Variants in ITGA4 observed in about 807,000 individuals in gnomAD.
ITGA4 encodes integrin subunit alpha 4, also known as integrin alpha-4.
Under a neutral mutation model 133.6 loss-of-function variants are expected in ITGA4, and 63 were observed. That is an observed-to-expected ratio of 0.47 (90% CI 0.38 to 0.58). ITGA4 has a LOEUF of 0.58. ITGA4 is among the 20% of genes least tolerant of loss of function. ITGA4 has a pLI of 0.00. For missense variants in ITGA4, 1,076 were observed against 1,252.7 expected (o/e 0.86, Z 2.13); for synonymous variants, 483 against 438.0 (o/e 1.10, Z -1.28).
intron 2 of ITGA4, among the ~76,000 whole-genome samples, chr2:181,473,072 T>TC (rs1233245788): frequency 6.6e-6 from 1 of 152,212 alleles, no homozygotes; most frequent in African/African-American, 2.4e-5. Context: ...GTGTATGCTG[T>TC]CGAGAAAAAC....
At chr2:181,475,533 CT>C (rs1355448189) in intron 4 of ITGA4, among the ~76,000 whole-genome samples, 1 of 152,182 alleles carries the variant, frequency 6.6e-6, no homozygotes, top group Non-Finnish European at 1.5e-5. Flanking sequence ...TAACTACCCA[CT>C]TTTGCATCAA....
At chr2:181,478,030 GTAT>G (rs1339280570) in intron 4 of ITGA4, among the ~76,000 whole-genome samples, 2 of 152,084 alleles carry the variant, frequency 1.3e-5, no homozygotes, top group Non-Finnish European at 1.5e-5. Flanking sequence ...ATACAATGGA[GTAT>G]TATTCAGCCT....
rs557844485 is a variant in ITGA4 at position 181,480,068 on chromosome 2, G to A, written c.625-69G>A. On this transcript the variant is annotated intron_variant, in intron 5 of 27. Coordinates refer to ENST00000397033, the MANE Select transcript of ITGA4 (RefSeq NM_000885.6). ...ATAAAAATATGTTCTCTTCACTATC[G>A]TGTATCTGGAGGAGGTTTGGGGTGG... The A allele has an allele frequency of 1.3e-4, 137 of 1,059,220 alleles. No individual in the cohort carries two copies. The South Asian group carries it at 1.5e-3, about 12-fold the overall frequency. The allele number at this position is 1,059,220 out of a possible 1,614,324, so 65.6% of individuals were successfully genotyped here.
chr2:181,477,719 A>G (rs1245663799), intron 4 of ITGA4, among the ~76,000 whole-genome samples: 1 of 152,194 alleles, frequency 6.6e-6, no homozygotes, highest in Non-Finnish European at 1.5e-5. Flanking sequence ...AGGTGTGAAG[A>G]AAAGGGAACC....
chr2:181,504,455 C>T (rs1176959372), intron 15 of ITGA4, among the ~76,000 whole-genome samples: 1 of 151,800 alleles, frequency 6.6e-6, no homozygotes, highest in Non-Finnish European at 1.5e-5. Context: ...TATTGTTGAG[C>T]AATACATGCA....
At chr2:181,464,008 T>C (rs890202901) in intron 2 of ITGA4, among the ~76,000 whole-genome samples, 1 of 152,066 alleles carries the variant, frequency 6.6e-6, no homozygotes, top group Non-Finnish European at 1.5e-5. Context: ...GGTAAGTCTA[T>C]AGGGCACCAG....
At position 181,523,447 on chromosome 2, in the gene ITGA4, A is replaced by C. The variant is rs1686762684; in HGVS notation, c.2084A>C (p.Gln695Pro). 1 of 1,604,446 alleles carries C rather than the reference A, an allele frequency of 6.2e-7. No homozygotes were observed. Among genetic ancestry groups the C allele is most frequent in the Non-Finnish European group, 8.5e-7 (1 of 1,171,420 alleles). Reference protein sequence around the residue: ...FIKILELEEKQINCEVTDNSG... With the variant: ...FIKILELEEKPINCEVTDNSG... Reference sequence around the variant, plus strand: ...CATTTTTCCCATTAGGAAGAGAAGCAAATAAACTGTGAAGTCACAGATAAC... The same window carrying C: ...CATTTTTCCCATTAGGAAGAGAAGCCAATAAACTGTGAAGTCACAGATAAC... Residue 695 changes from glutamine (Q) to proline (P), a missense_variant, in exon 19 of 28, where the codon CAA becomes CCA. Around this residue, in one of 4 missense-constraint regions of ITGA4, gnomAD observed 365 missense variants for 421.4 expected, o/e 0.87. Coordinates refer to ENST00000397033, the MANE Select transcript of ITGA4 (RefSeq NM_000885.6). The surrounding 1 kb of genome is among the most constrained non-coding windows in gnomAD (Gnocchi z 4.2).
At position 181,531,597 on chromosome 2, in the gene ITGA4, T is replaced by C. The variant is rs569778291; in HGVS notation, c.2665-60T>C. On this transcript the variant is annotated intron_variant, in intron 24 of 27. Transcript: ENST00000397033. ...TATATATTAAATTCTATATAAAATATTTTAAAAATATTTTCCAATGTTGAA... is the reference window on the plus strand; with the variant it reads ...TATATATTAAATTCTATATAAAATACTTTAAAAATATTTTCCAATGTTGAA... 5.4e-5 allele frequency: 52 copies of C among 965,246 alleles called. No homozygotes were observed. In the African/African-American group the frequency reaches 8.6e-4, roughly 16 times the overall value. 59.8% of individuals were successfully genotyped at this position (965,246 alleles called of 1,614,324 possible).
intron 17 of ITGA4, among the ~76,000 whole-genome samples, chr2:181,517,176 A>G (rs1290501785): frequency 6.6e-6 from 1 of 152,096 alleles, no homozygotes; most frequent in Non-Finnish European, 1.5e-5. Flanking sequence ...TACTTGCTGC[A>G]GGTTACTCTT....
intron 17 of ITGA4, among the ~76,000 whole-genome samples, chr2:181,519,472 AAG>A (rs1166869446): frequency 6.6e-6 from 1 of 152,172 alleles, no homozygotes; most frequent in African/African-American, 2.4e-5. Flanking sequence ...AATAGAAAAA[AAG>A]AGGAAGAATT....
At chr2:181,502,204 GT>G (rs77470263) in intron 15 of ITGA4, among the ~76,000 whole-genome samples, 15,991 of 152,106 alleles carry the variant, frequency 0.11, 1,074 homozygotes, top group East Asian at 0.23. Context: ...GTTGGTGGTG[GT>G]GACAACAGCA....
Position 181,535,517 on chromosome 2 carries a change from A to G in ITGA4, c.3089A>G (p.Asn1030Ser). The G allele has an allele frequency of 1.2e-6, 2 of 1,607,784 alleles. No individual in the cohort carries two copies. The highest frequency in any genetic ancestry group is 1.1e-5 in the South Asian group (1 of 90,106). ...DSWSYINSKS[N>S]DD ...TGGAGTTATATCAACAGTAAAAGCA[A>G]TGATGATTAAGGACTTCTTTCAAAT... The change falls in exon 28 of 28, where the codon AAT (asparagine) becomes AGT (serine). Residue 1030 changes from asparagine (N) to serine (S), a missense_variant. By Grantham distance (46) the Asn-to-Ser change is conservative (BLOSUM62 1). Coordinates refer to ENST00000397033, the MANE Select transcript of ITGA4 (RefSeq NM_000885.6).
chr2:181,501,862 C>G (rs1028994881), intron 15 of ITGA4, among the ~76,000 whole-genome samples: 2 of 152,074 alleles, frequency 1.3e-5, no homozygotes, highest in African/African-American at 4.8e-5. Flanking sequence ...TTTGTACATA[C>G]TCATCTTGAG....
chr2:181,475,840 G>GCT lies in ITGA4; in HGVS notation c.556+553_556+554dup, dbSNP rs1553504272. 6.9e-6 allele frequency: 11 copies of GCT among 1,603,854 alleles called. No individual in the cohort carries two copies. The East Asian group carries it at 2.5e-4, about 36-fold the overall frequency. ...TATAGGTAGCATCAGCAAGTACAGA[G>GCT]CTAGGACATAACAGAAGTGAGCAGA... On this transcript the variant is annotated intron_variant, in intron 4 of 27. Transcript: ENST00000397033.
rs1190379424 is a variant in ITGA4, at chr2:181,534,393, T to C, written c.2883+23T>C. 4 of 1,265,738 alleles carry C rather than the reference T, an allele frequency of 3.2e-6. No individual in the cohort carries two copies. The African/African-American group carries it at 4.4e-5, about 14-fold the overall frequency. The allele number at this position is 1,265,738 out of a possible 1,614,324, so 78.4% of individuals were successfully genotyped here. On this transcript the variant is annotated intron_variant, in intron 26 of 27. Coordinates refer to ENST00000397033, the MANE Select transcript of ITGA4 (RefSeq NM_000885.6). ...CATGTAAGATTACCCTCTTAACTGCTACATTAAAATTATAGGAAAACACAT... is the reference window on the plus strand; with the variant it reads ...CATGTAAGATTACCCTCTTAACTGCCACATTAAAATTATAGGAAAACACAT...
chr2:181,471,868 A>G (rs1367393608), intron 2 of ITGA4, among the ~76,000 whole-genome samples: 4 of 152,224 alleles, frequency 2.6e-5, no homozygotes, highest in African/African-American at 4.8e-5. Flanking sequence ...ATTTCTAAGA[A>G]TCATTATTTT....
rs1007503809 is a variant in ITGA4, at chr2:181,537,609, AATTTAAC to A, written c.*2085_*2091del. ...ATTATATTTGTAACAGAATATAGGAAATTTAACATAATTGATGAGCTCAAATCCTGAA... is the reference window on the plus strand; with the variant it reads ...ATTATATTTGTAACAGAATATAGGAAATAATTGATGAGCTCAAATCCTGAA... On this transcript the variant is annotated 3_prime_UTR_variant, in exon 28 of 28. Transcript: ENST00000397033. The A allele has an allele frequency of 3.3e-5, 14 of 429,578 alleles. No individual in the cohort carries two copies. Among genetic ancestry groups the A allele is most frequent in the African/African-American group, 2.7e-4 (13 of 48,486 alleles). The allele number at this position is 429,578 out of a possible 1,614,324, so 26.6% of individuals were successfully genotyped here.
intron 15 of ITGA4, among the ~76,000 whole-genome samples, chr2:181,509,443 A>G (rs537068813): frequency 1.3e-5 from 2 of 152,068 alleles, no homozygotes; most frequent in African/African-American, 4.8e-5. Flanking sequence ...ATTATTTTTC[A>G]TTTTTATTTT....
In ITGA4 at chr2:181,480,117, T is replaced by A. The variant is rs1219810648; in HGVS notation, c.625-20T>A. ...GGTGAGATTAAAGTTTAAATAATAATAGTTTTTTTTTTCTTACAGGATTTA... is the reference window on the plus strand; with the variant it reads ...GGTGAGATTAAAGTTTAAATAATAAAAGTTTTTTTTTTCTTACAGGATTTA... On this transcript the variant is annotated intron_variant, in intron 5 of 27. Coordinates refer to ENST00000397033, the MANE Select transcript of ITGA4 (RefSeq NM_000885.6). 1 of 1,384,020 alleles carries A rather than the reference T, an allele frequency of 7.2e-7. No homozygotes were observed. Among genetic ancestry groups the A allele is most frequent in the Admixed American group, 3.1e-5 (1 of 32,158 alleles). The allele number at this position is 1,384,020 out of a possible 1,614,324, so 85.7% of individuals were successfully genotyped here.
Sources: gnomAD v4.1 joint callset for allele counts (sites outside exome capture counted in the v4.1 genomes callset) on GRCh38, gnomAD v4.1.1 for gene constraint, gnomAD v4.1.1 regional missense constraint, Gnocchi (gnomAD v3.1) non-coding constraint, MANE v1.5 for transcripts, NCBI Gene and HGNC (gene_info 2026-07-23, HGNC 2026-07-21) for gene names.